The following PDLIM3 variants were observed in gnomAD, a reference collection of about 807,000 sequenced individuals.
PDLIM3 encodes the protein PDZ and LIM domain protein 3.
In PDLIM3, 36 loss-of-function variants were observed where a neutral mutation model predicts 37.3. That is an observed-to-expected ratio of 0.97 (90% CI 0.74 to 1.28). The LOEUF is 1.28. Among genes scored for constraint, PDLIM3 ranks in the 50% most tolerant of loss-of-function variants. The pLI is 0.00. For missense variants in PDLIM3, 454 were observed against 485.0 expected, an observed-to-expected ratio of 0.94 and a Z score of 0.60; for synonymous variants, 174 against 182.4, an observed-to-expected ratio of 0.95 and a Z score of 0.37.
At chr4:185,521,402 T>TTC (rs2095723358) in intron 3 of PDLIM3, among the ~76,000 whole-genome samples, 1 of 58,086 alleles carries the variant, frequency 1.7e-5, no homozygotes, top group Admixed American at 2.1e-4. Flanking sequence ...TTCTTTTCTT[T>TTC]TTTTTTTTTT....
At chr4:185,528,538 C>T (rs2095738204) in intron 1 of PDLIM3, among the ~76,000 whole-genome samples, 2 of 152,208 alleles carry the variant, frequency 1.3e-5, no homozygotes, top group Non-Finnish European at 2.9e-5. Context: ...CTCTCTAAGA[C>T]AGGCTGGACA....
chr4:185,526,037 T>C (rs1235861799), intron 1 of PDLIM3, among the ~76,000 whole-genome samples: 4 of 152,164 alleles, frequency 2.6e-5, no homozygotes, highest in Non-Finnish European at 5.9e-5. Flanking sequence ...AGAGCTAAAG[T>C]CACAGGGCAA....
At chr4:185,529,024 A>T (rs1407906938) in intron 1 of PDLIM3, among the ~76,000 whole-genome samples, 4 of 152,236 alleles carry the variant, frequency 2.6e-5, no homozygotes, top group African/African-American at 9.6e-5. Flanking sequence ...AATGAGGCAT[A>T]GTGTTTGTCA....
At chr4:185,524,563 A>G (rs2095729387) in intron 2 of PDLIM3, among the ~76,000 whole-genome samples, 1 of 152,224 alleles carries the variant, frequency 6.6e-6, no homozygotes, top group Middle Eastern at 3.2e-3. Context: ...TGAATTCTGT[A>G]CAAAACAGCC....
rs375743721 is a variant in PDLIM3 at position 185,508,302 on chromosome 4, A to T, written c.659T>A (p.Met220Lys). ...VSTALGETPL[M>K]SEPTASVPPE... ...GGTTCAAAGAGACTCATATTACCTC[A>T]TCAAAGGTGTTTCCCCTAGGGCTGT... Residue 220 changes from methionine (M) to lysine (K), a missense_variant, in exon 5 of 8, where the codon ATG (methionine) becomes AAG (lysine). Coordinates refer to ENST00000284767, the MANE Select transcript of PDLIM3 (RefSeq NM_014476.6). 8.7e-6 allele frequency: 14 copies of T among 1,613,890 alleles called. No homozygotes were observed. Among genetic ancestry groups the T allele is most frequent in the Non-Finnish European group, 1.1e-5 (13 of 1,179,840 alleles).
At chr4:185,509,216 A>C (rs1480500874) in intron 4 of PDLIM3, among the ~76,000 whole-genome samples, 2 of 151,522 alleles carry the variant, frequency 1.3e-5, no homozygotes, top group Non-Finnish European at 2.9e-5. Context: ...TTTACTCTTT[A>C]GTTCTGTGAG....
In PDLIM3 at chr4:185,506,622, C is replaced by T. The variant is rs756066114; in HGVS notation, c.693G>A (p.Ser231=). 72 of 1,608,588 alleles carry T rather than the reference C, an allele frequency of 4.5e-5. No homozygotes were observed. Among genetic ancestry groups the T allele is most frequent in the African/African-American group, 1.5e-4 (11 of 74,880 alleles). Residue 231 remains serine (S), a synonymous_variant, in exon 6 of 8, where the codon TCG becomes TCA. Coordinates refer to ENST00000284767, the MANE Select transcript of PDLIM3 (RefSeq NM_014476.6). ...SEPTASVPPE[S]DVYRMLHDNR... The stretch of plus-strand genomic sequence containing the variant: ...TGTCGTGGAGCATCCGGTACACGTC[C>T]GACTCGGGGGGCACCGAGGCTGTGG...
chr4:185,502,482 C>CACT lies in PDLIM3; in HGVS notation c.906_907insAGT (p.Val302_Gly303insSer). 2 of 1,613,880 alleles carry CACT rather than the reference C, an allele frequency of 1.2e-6. No homozygotes were observed. Among genetic ancestry groups the CACT allele is most frequent in the Non-Finnish European group, 1.7e-6 (2 of 1,179,814 alleles). ...TTATCCCGCGCCTTCACCACAGCAC[C>CACT]GCTGTTGGGGAAGAAAACGAGCTCA... On this transcript the variant is annotated inframe_insertion and splice_region_variant, in exon 8 of 8. Transcript: ENST00000284767.
rs930929159 is a variant in PDLIM3 at position 185,502,025 on chromosome 4, G to C, written c.*269C>G. 8.0e-6 allele frequency: 4 copies of C among 499,126 alleles called. No individual in the cohort carries two copies. Among genetic ancestry groups the C allele is most frequent in the African/African-American group, 1.9e-5 (1 of 51,894 alleles). The allele number at this position is 499,126 out of a possible 1,614,324, so 30.9% of individuals were successfully genotyped here. Reference sequence around the variant, plus strand: ...CTGTAATATACATGTAAATTGTGGAGTATGACATACAAAAAATTATTGCTT... The same window carrying C: ...CTGTAATATACATGTAAATTGTGGACTATGACATACAAAAAATTATTGCTT... On this transcript the variant is annotated 3_prime_UTR_variant, in exon 8 of 8. Transcript: ENST00000284767.
chr4:185,513,639 G>C (rs77061336), intron 4 of PDLIM3: 2 of 988,984 alleles, frequency 2.0e-6, no homozygotes, highest in Non-Finnish European at 2.4e-6. Context: ...GAATCAATCC[G>C]GTCTAACCAC....
intron 1 of PDLIM3, among the ~76,000 whole-genome samples, chr4:185,530,598 C>T (rs947761627): frequency 6.6e-6 from 1 of 152,174 alleles, no homozygotes; most frequent in Non-Finnish European, 1.5e-5. Flanking sequence ...CTAGCCTCCC[C>T]TTATTCACGG....
chr4:185,517,490 A>G (rs1253066046), intron 3 of PDLIM3: 1 of 151,532 alleles, frequency 6.6e-6, no homozygotes, highest in African/African-American at 2.4e-5. Flanking sequence ...TCTTAGCCTT[A>G]AGATGATAAT....
rs1156862443 is a variant in PDLIM3, at chr4:185,514,362, G to A, written c.331-25C>T. ...CCTGTGAAAACAAAGCGTTAAAAAG[G>A]CCCTCAGTGGAAGGCGGACACTGTT... On this transcript the variant is annotated intron_variant, in intron 3 of 7. Transcript: ENST00000284767. This position sits in a 1 kb window ranked among gnomAD's most constrained non-coding sequence, Gnocchi z 4.0. The A allele has an allele frequency of 2.5e-6, 4 of 1,614,040 alleles. No homozygotes were observed. Among genetic ancestry groups the A allele is most frequent in the Non-Finnish European group, 3.4e-6 (4 of 1,180,038 alleles).
chr4:185,506,510 G>A lies in PDLIM3; in HGVS notation c.793+12C>T. 1.2e-6 allele frequency: 2 copies of A among 1,613,594 alleles called. No homozygotes were observed. Among genetic ancestry groups the A allele is most frequent in the Non-Finnish European group, 1.7e-6 (2 of 1,179,988 alleles). ...TATCAATACGTTTCAGCAGGTGTCA[G>A]CGGCTGCTCACCAGAGCCATCGTCC... On this transcript the variant is annotated intron_variant, in intron 6 of 7. Coordinates refer to ENST00000284767, the MANE Select transcript of PDLIM3 (RefSeq NM_014476.6).
chr4:185,514,822 A>T lies in PDLIM3; in HGVS notation c.331-485T>A. ...AAGCGCTCACTACCTGTCTTTTGTC[A>T]TCAATGTTTGCAGCTGCAACAAAAG... On this transcript the variant is annotated intron_variant, in intron 3 of 7. Coordinates refer to ENST00000284767, the MANE Select transcript of PDLIM3 (RefSeq NM_014476.6). The surrounding 1 kb of genome is among the most constrained non-coding windows in gnomAD (Gnocchi z 4.0). 6.4e-7 allele frequency: 1 copy of T among 1,551,732 alleles called. No homozygotes were observed. The highest frequency in any genetic ancestry group is 8.7e-7 in the Non-Finnish European group (1 of 1,146,998).
intron 6 of PDLIM3, among the ~76,000 whole-genome samples, chr4:185,506,119 T>G (rs1349741675): frequency 2.6e-5 from 4 of 151,610 alleles, no homozygotes; most frequent in African/African-American, 9.8e-5. Context: ...TGCAAAATAC[T>G]TTGCACAGAA....
chr4:185,524,787 C>A (rs575484509), intron 2 of PDLIM3, among the ~76,000 whole-genome samples: 1 of 152,238 alleles, frequency 6.6e-6, no homozygotes, highest in South Asian at 2.1e-4. Context: ...GGAACAAATT[C>A]TTTTAGCCTC....
intron 1 of PDLIM3, among the ~76,000 whole-genome samples, chr4:185,528,937 ATT>A (rs1462505613): frequency 6.6e-6 from 1 of 152,154 alleles, no homozygotes. Context: ...GCATTATTAT[ATT>A]CTTTCCTTAT....
intron 1 of PDLIM3, among the ~76,000 whole-genome samples, chr4:185,525,638 C>T (rs1028048960): frequency 2.0e-5 from 3 of 152,084 alleles, no homozygotes; most frequent in Admixed American, 1.3e-4. Context: ...TTATCTCCCC[C>T]CAAAACTCAA....
Sources: gnomAD v4.1 joint callset for allele counts (sites outside exome capture counted in the v4.1 genomes callset) on GRCh38, gnomAD v4.1.1 for gene constraint, Gnocchi (gnomAD v3.1) non-coding constraint, MANE v1.5 for transcripts, NCBI Gene and HGNC (gene_info 2026-07-23, HGNC 2026-07-21) for gene names.